Variants in CA10 observed in about 807,000 individuals in gnomAD.
CA10 encodes the protein carbonic anhydrase-related protein 10.
A neutral mutation model predicts 44.2 loss-of-function variants in CA10; 14 were observed. The ratio of observed to expected loss-of-function variants is 0.32; its 90% confidence interval spans 0.21 to 0.50. The LOEUF is 0.50. Ranked by LOEUF, CA10 falls within the 20% of genes least tolerant of loss-of-function variation. The pLI is 0.99. For synonymous variants in CA10, 159 were observed against 141.6 expected, an observed-to-expected ratio of 1.12 and a Z score of -0.87; for missense variants, 350 against 409.7, an observed-to-expected ratio of 0.85 and a Z score of 1.26.
chr17:51,754,231 C>T (rs1363279905), intron 3 of CA10, among the ~76,000 whole-genome samples: 1 of 150,918 alleles, frequency 6.6e-6, no homozygotes. Flanking sequence ...GTTTGGAGCT[C>T]AGGATGTTTA....
intron 3 of CA10, among the ~76,000 whole-genome samples, chr17:51,882,664 G>A (rs1369478264): frequency 6.6e-6 from 1 of 152,118 alleles, no homozygotes; most frequent in Non-Finnish European, 1.5e-5. Flanking sequence ...TTTGGGCTGA[G>A]TTCAGCTGTG....
chr17:52,140,575 T>C (rs947520114), intron 1 of CA10, among the ~76,000 whole-genome samples: 2 of 152,246 alleles, frequency 1.3e-5, no homozygotes, highest in Admixed American at 6.5e-5. Context: ...TCTTAGCCCC[T>C]GGGCCTTACA....
At chr17:51,943,936 C>T (rs1399001370) in intron 2 of CA10, among the ~76,000 whole-genome samples, 4 of 152,114 alleles carry the variant, frequency 2.6e-5, no homozygotes, top group Non-Finnish European at 5.9e-5. Flanking sequence ...AATGTTGCCT[C>T]CTGCCCTGCC....
chr17:51,636,807 G>GTGTGTGTGTGTGTA (rs1912854691), intron 6 of CA10, among the ~76,000 whole-genome samples: 1 of 146,550 alleles, frequency 6.8e-6, no homozygotes, highest in Non-Finnish European at 1.5e-5. Context: ...GTGTGTGTGT[G>GTGTGTGTGTGTGTA]TGTGTATTTT....
intron 3 of CA10, among the ~76,000 whole-genome samples, chr17:51,870,315 C>A (rs146180502): frequency 4.2e-4 from 64 of 152,338 alleles, no homozygotes; most frequent in African/African-American, 1.5e-3. Flanking sequence ...TTTTGCCCAT[C>A]ATGAAAGAGC....
At chr17:51,883,473 C>T (rs1287797577) in intron 3 of CA10, among the ~76,000 whole-genome samples, 1 of 152,080 alleles carries the variant, frequency 6.6e-6, no homozygotes, top group African/African-American at 2.4e-5. Flanking sequence ...TGCTAATGAT[C>T]CCCCATCCCA....
At chr17:51,950,581 G>A (rs1314301992) in intron 2 of CA10, among the ~76,000 whole-genome samples, 1 of 152,008 alleles carries the variant, frequency 6.6e-6, no homozygotes, top group African/African-American at 2.4e-5. Flanking sequence ...ACCAATCACT[G>A]CTTCCTCTTC....
intron 3 of CA10, among the ~76,000 whole-genome samples, chr17:51,766,285 G>T (rs1353930800): frequency 6.6e-6 from 1 of 152,178 alleles, no homozygotes; most frequent in Non-Finnish European, 1.5e-5. Context: ...TTTAAAGTTA[G>T]AAGTGGATGA....
intron 2 of CA10, among the ~76,000 whole-genome samples, chr17:51,982,699 T>C (rs1984692371): frequency 6.6e-6 from 1 of 151,898 alleles, no homozygotes; most frequent in African/African-American, 2.4e-5. Context: ...CACTCAAGAC[T>C]GGCAAATACC....
chr17:51,862,140 C>T (rs1979338915), intron 3 of CA10, among the ~76,000 whole-genome samples: 1 of 152,194 alleles, frequency 6.6e-6, no homozygotes, highest in Admixed American at 6.5e-5. Flanking sequence ...TAGTGGAAAA[C>T]ACACAGTGGT....
At chr17:51,833,448 T>C (rs1281882782) in intron 3 of CA10, among the ~76,000 whole-genome samples, 1 of 152,222 alleles carries the variant, frequency 6.6e-6, no homozygotes, top group African/African-American at 2.4e-5. Flanking sequence ...AAATTCTAGC[T>C]CAATTGAAAT....
chr17:51,700,772 A>G (rs1393564631), intron 4 of CA10, among the ~76,000 whole-genome samples: 1 of 152,174 alleles, frequency 6.6e-6, no homozygotes, highest in East Asian at 1.9e-4. Context: ...ACTGAGGGAC[A>G]TAGATGGAGC....
At chr17:51,826,021 AT>A (rs1340902148) in intron 3 of CA10, among the ~76,000 whole-genome samples, 1 of 152,164 alleles carries the variant, frequency 6.6e-6, no homozygotes, top group Non-Finnish European at 1.5e-5. Context: ...TCATCTTTGC[AT>A]TGTGCAAAAT....
At chr17:51,779,739 A>G (rs1435963193) in intron 3 of CA10, among the ~76,000 whole-genome samples, 4 of 152,324 alleles carry the variant, frequency 2.6e-5, no homozygotes, top group Admixed American at 1.3e-4. Flanking sequence ...CTTGGCCCCA[A>G]TCTAGGTGAT....
At chr17:52,113,836 G>A (rs1988836195) in intron 1 of CA10, among the ~76,000 whole-genome samples, 2 of 152,192 alleles carry the variant, frequency 1.3e-5, no homozygotes, top group South Asian at 4.1e-4. Flanking sequence ...CTAACAATGT[G>A]TGTTAATCAG....
At chr17:51,969,452 A>C (rs1479067594) in intron 2 of CA10, among the ~76,000 whole-genome samples, 1 of 151,984 alleles carries the variant, frequency 6.6e-6, no homozygotes, top group Non-Finnish European at 1.5e-5. Context: ...CTACTACACC[A>C]CACTGATAGT....
At chr17:51,780,396 T>C (rs8074185) in intron 3 of CA10, among the ~76,000 whole-genome samples, 85,052 of 152,070 alleles carry the variant, frequency 0.56, 26,087 homozygotes, top group Admixed American at 0.7. Context: ...ACAGCACATT[T>C]TCCGAGTCTT....
chr17:51,926,802 A>G (rs1197586422), intron 3 of CA10, among the ~76,000 whole-genome samples: 1 of 152,164 alleles, frequency 6.6e-6, no homozygotes, highest in Non-Finnish European at 1.5e-5. Flanking sequence ...ATATTTAATC[A>G]TATCTTCAAG....
In CA10 at chr17:51,874,406, AC is replaced by A. The variant is rs374843416; in HGVS notation, c.279+56583del. 5.2e-3 allele frequency among the ~76,000 whole-genome samples: 780 copies of A among 149,382 alleles called. 19 individuals carry two copies. The East Asian group carries it at 0.058, about 11-fold the overall frequency. The stretch of plus-strand genomic sequence containing the variant: ...TAATTATTAAAAAAAAAAAAAAAAA[AC>A]AAAAACTGAAAACTCAGCTCTCCTT... On this transcript the variant is annotated intron_variant, in intron 3 of 8. Transcript: ENST00000451037.
Sources: allele counts gnomAD v4.1 joint callset (sites outside exome capture counted in the v4.1 genomes callset), GRCh38; gene constraint gnomAD v4.1.1; transcripts MANE v1.5; gene names NCBI Gene and HGNC (gene_info 2026-07-23, HGNC 2026-07-21).